NFKBIL1: variants seen among roughly 807,000 people sequenced by gnomAD.
NFKBIL1 encodes NF-kappa-B inhibitor-like protein 1.
In NFKBIL1, 30 loss-of-function variants were observed where a neutral mutation model predicts 45.4. That is an observed-to-expected ratio of 0.66 (90% CI 0.49 to 0.90). The LOEUF is 0.90. Ranked by LOEUF, NFKBIL1 falls within the 40% of genes least tolerant of loss-of-function variation. NFKBIL1 has a pLI of 0.00. For synonymous variants in NFKBIL1, 179 were observed against 197.3 expected (o/e 0.91, Z 0.78); for missense variants, 434 against 513.4 (o/e 0.85, Z 1.49).
At position 31,555,542 on chromosome 6, in the gene NFKBIL1, T is replaced by G. The variant is rs61289551; in HGVS notation, c.335-2086T>G. ...CCATGAGCCACCACGCCCGGCCTCTTTTTTTCCAACCATAGGATTTGGTCT... is the reference window on the plus strand; with the variant it reads ...CCATGAGCCACCACGCCCGGCCTCTGTTTTTCCAACCATAGGATTTGGTCT... On this transcript the variant is annotated intron_variant, in intron 2 of 3. Coordinates refer to ENST00000376148, the MANE Select transcript of NFKBIL1 (RefSeq NM_005007.4). Among the ~76,000 whole-genome samples the G allele has an allele frequency of 4.3e-3, 647 of 150,878 alleles. 18 individuals carry two copies. The South Asian group carries it at 0.071, about 16-fold the overall frequency.
chr6:31,553,418 A>G (rs924743726), intron 2 of NFKBIL1, among the ~76,000 whole-genome samples: 5 of 152,132 alleles, frequency 3.3e-5, no homozygotes, highest in Non-Finnish European at 5.9e-5. Flanking sequence ...CACCTAATCA[A>G]AAAGTAAATT....
rs751334075 is a variant in NFKBIL1 at position 31,552,341 on chromosome 6, C to T, written c.334+3902C>T. Among the ~76,000 whole-genome samples, 26 of 151,880 alleles carry T rather than the reference C, an allele frequency of 1.7e-4. 1 individual carries two copies. The highest frequency in any genetic ancestry group is 2.9e-4 in the Non-Finnish European group (20 of 67,948). ...AGGCTGGAGTGCAGTGGCACAATCT[C>T]GGCTCACTGCAACCTCCACCTCCCA... On this transcript the variant is annotated intron_variant, in intron 2 of 3. Transcript: ENST00000376148.
chr6:31,548,129 G>GA, intron 1 of NFKBIL1, 34 bp from the exon 2 acceptor site: 1 of 1,613,030 alleles, frequency 6.2e-7, no homozygotes, highest in South Asian at 1.1e-5. Flanking sequence ...AGCCAAGGCT[G>GA]AAGTCCTGAC....
At chr6:31,550,785 G>C (rs137914942) in intron 2 of NFKBIL1, among the ~76,000 whole-genome samples, 5,326 of 152,250 alleles carry the variant, frequency 0.035, 279 homozygotes, top group African/African-American at 0.11. Flanking sequence ...TGCCTCCTGG[G>C]TTCAAGAGAT....
Position 31,557,526 on chromosome 6 carries a change from T to C in NFKBIL1, c.335-102T>C. 5 of 929,862 alleles carry C rather than the reference T, an allele frequency of 5.4e-6. No individual in the cohort carries two copies. The highest frequency in any genetic ancestry group is 7.8e-6 in the Non-Finnish European group (5 of 643,738). The allele number at this position is 929,862 out of a possible 1,614,324, so 57.6% of individuals were successfully genotyped here. ...TCCATGTGAGCCACCCTTCCATTGC[T>C]TTAAGACCAAGGGAGCGAGTGACCA... On this transcript the variant is annotated intron_variant, in intron 2 of 3. Transcript: ENST00000376148. The surrounding 1 kb of genome is among the most constrained non-coding windows in gnomAD (Gnocchi z 5.4).
At chr6:31,552,123 G>A (rs1211623226) in intron 2 of NFKBIL1, among the ~76,000 whole-genome samples, 3 of 152,068 alleles carry the variant, frequency 2.0e-5, no homozygotes, top group African/African-American at 7.2e-5. Flanking sequence ...AGTAGAGATG[G>A]GGTTTCAACA....
intron 2 of NFKBIL1, among the ~76,000 whole-genome samples, chr6:31,551,161 G>A (rs1280473352): frequency 6.6e-6 from 1 of 152,046 alleles, no homozygotes; most frequent in African/African-American, 2.4e-5. Context: ...CTAGTAGCTG[G>A]GACTACAAGC....
Position 31,547,614 on chromosome 6 carries a change from C to G in NFKBIL1, c.-81C>G. 1.0e-6 allele frequency: 1 copy of G among 985,348 alleles called. No individual in the cohort carries two copies. The highest frequency in any genetic ancestry group is 1.5e-5 in the South Asian group (1 of 67,276). The allele number at this position is 985,348 out of a possible 1,614,324, so 61.0% of individuals were successfully genotyped here. The stretch of plus-strand genomic sequence containing the variant: ...CAGCCTGGAGTGTCTCCGCCCTTCC[C>G]GCCTCCCGTCTCCGAGCTTCTTAAA... On this transcript the variant is annotated 5_prime_UTR_variant, in exon 1 of 4. Transcript: ENST00000376148.
At position 31,557,943 on chromosome 6, in the gene NFKBIL1, C is replaced by G; in HGVS notation, c.557-79C>G. 2.7e-6 allele frequency: 4 copies of G among 1,492,562 alleles called. No individual in the cohort carries two copies. Among genetic ancestry groups the G allele is most frequent in the East Asian group, 2.4e-5 (1 of 42,100 alleles). The allele number at this position is 1,492,562 out of a possible 1,614,324, so 92.5% of individuals were successfully genotyped here. ...ACACTAGGCTCCTCTGCCCCCTCCTCTGTGCTTCCCTGCTTCTTGGGGCCC... is the reference window on the plus strand; with the variant it reads ...ACACTAGGCTCCTCTGCCCCCTCCTGTGTGCTTCCCTGCTTCTTGGGGCCC... On this transcript the variant is annotated intron_variant, in intron 3 of 3. Transcript: ENST00000376148. This position sits in a 1 kb window ranked among gnomAD's most constrained non-coding sequence, Gnocchi z 5.4.
chr6:31,550,150 G>A (rs1039826821), intron 2 of NFKBIL1, among the ~76,000 whole-genome samples: 2 of 151,228 alleles, frequency 1.3e-5, no homozygotes, highest in African/African-American at 2.4e-5. Flanking sequence ...GTGGTGAGCC[G>A]AGATTGCACT....
intron 2 of NFKBIL1, among the ~76,000 whole-genome samples, chr6:31,555,609 CT>C (rs772749122): frequency 6.1e-4 from 44 of 72,280 alleles, no homozygotes; most frequent in African/African-American, 1.1e-3. Flanking sequence ...CTCTCTCTCT[CT>C]TTTTTTTTTT....
At chr6:31,552,862 G>A (rs7754479) in intron 2 of NFKBIL1, among the ~76,000 whole-genome samples, 8,217 of 150,156 alleles carry the variant, frequency 0.055, 321 homozygotes, top group Middle Eastern at 0.14. Flanking sequence ...CCGCCACCAC[G>A]CCCAGCTAAT....
At chr6:31,548,133 T>G (rs1346539025) in intron 1 of NFKBIL1, 30 bp from the exon 2 acceptor site, 7 of 1,613,026 alleles carry the variant, frequency 4.3e-6, no homozygotes, top group South Asian at 1.1e-5. Context: ...AAGGCTGAAG[T>G]CCTGACTGCT....
intron 2 of NFKBIL1, among the ~76,000 whole-genome samples, chr6:31,555,241 T>C (rs986265381): frequency 2.8e-5 from 4 of 143,808 alleles, no homozygotes; most frequent in Non-Finnish European, 4.6e-5. Flanking sequence ...TTTTCTTTTT[T>C]TTTTTTTTTT....
intron 2 of NFKBIL1, among the ~76,000 whole-genome samples, 168 bp downstream of exon 2, chr6:31,548,607 C>G (rs1769256025): frequency 6.6e-6 from 1 of 152,224 alleles, no homozygotes; most frequent in African/African-American, 2.4e-5. Flanking sequence ...ACTGAGCTAC[C>G]ATTGTCTGAA....
chr6:31,547,834 C>T (rs1049565634), intron 1 of NFKBIL1, 83 bp downstream of exon 1: 4 of 1,204,742 alleles, frequency 3.3e-6, no homozygotes, highest in Non-Finnish European at 4.7e-6. Context: ...TAAAAATTTT[C>T]CCCATCCGGC....
chr6:31,557,351 G>A lies in NFKBIL1; in HGVS notation c.335-277G>A, dbSNP rs1345758539. ...TCTTGATCTCCTGACCTCGTGATCC[G>A]CCCGCCTCGGACTCCCAAAGTGCTG... is the stretch of plus-strand genomic sequence containing the variant. On this transcript the variant is annotated intron_variant, in intron 2 of 3. Transcript: ENST00000376148. This position sits in a 1 kb window ranked among gnomAD's most constrained non-coding sequence, Gnocchi z 5.4. 2.6e-5 allele frequency among the ~76,000 whole-genome samples: 4 copies of A among 152,042 alleles called. No individual in the cohort carries two copies. The highest frequency in any genetic ancestry group is 6.5e-5 in the Admixed American group (1 of 15,270).
chr6:31,553,501 A>G (rs1769551757), intron 2 of NFKBIL1, among the ~76,000 whole-genome samples: 1 of 152,304 alleles, frequency 6.6e-6, no homozygotes, highest in African/African-American at 2.4e-5. Flanking sequence ...CTGGGGAGGA[A>G]TGAAACTTGG....
At chr6:31,555,780 A>G (rs1769703400) in intron 2 of NFKBIL1, among the ~76,000 whole-genome samples, 1 of 149,028 alleles carries the variant, frequency 6.7e-6, no homozygotes, top group Non-Finnish European at 1.5e-5. Flanking sequence ...ACGCCTGGCT[A>G]ATTTTATATA....
Sources: gnomAD v4.1 joint callset for allele counts (sites outside exome capture counted in the v4.1 genomes callset) on GRCh38, gnomAD v4.1.1 for gene constraint, Gnocchi (gnomAD v3.1) non-coding constraint, MANE v1.5 for transcripts, NCBI Gene and HGNC (gene_info 2026-07-23, HGNC 2026-07-21) for gene names.